FAF1: variants seen among roughly 807,000 people sequenced by gnomAD.
FAF1 encodes the protein Fas associated factor 1.
In FAF1, 25 loss-of-function variants were observed where a neutral mutation model predicts 92.5. That is an observed-to-expected ratio of 0.27 (90% CI 0.20 to 0.38). The LOEUF is 0.38. FAF1 is among the 10% of genes least tolerant of loss of function. The pLI is 1.00. For missense variants in FAF1, 636 were observed against 793.3 expected (o/e 0.80, Z 2.38); for synonymous variants, 234 against 273.2 (o/e 0.86, Z 1.42).
intron 4 of FAF1, among the ~76,000 whole-genome samples, chr1:50,765,952 C>T (rs186746912): frequency 5.9e-5 from 9 of 152,080 alleles, no homozygotes; most frequent in African/African-American, 2.2e-4. Context: ...ATTAGCTGGG[C>T]GTGGTAGCGG....
intron 1 of FAF1, among the ~76,000 whole-genome samples, chr1:50,934,944 A>G (rs1156360863): frequency 1.3e-5 from 2 of 152,152 alleles, no homozygotes; most frequent in Non-Finnish European, 2.9e-5. Flanking sequence ...GATGTTTTAA[A>G]GATTTTTCTC....
chr1:50,600,197 T>C (rs12088232), intron 8 of FAF1, among the ~76,000 whole-genome samples: 1 of 152,202 alleles, frequency 6.6e-6, no homozygotes, highest in Non-Finnish European at 1.5e-5. Context: ...ATCATGAGCT[T>C]GACAGCTTCT....
At chr1:50,814,900 A>T (rs1569991831) in intron 2 of FAF1, among the ~76,000 whole-genome samples, 2 of 152,150 alleles carry the variant, frequency 1.3e-5, no homozygotes, top group South Asian at 2.1e-4. Flanking sequence ...AGATGTGGAG[A>T]AATTAAAACC....
At chr1:50,731,828 G>A (rs556378772) in intron 6 of FAF1, among the ~76,000 whole-genome samples, 96 of 152,166 alleles carry the variant, frequency 6.3e-4, no homozygotes, top group Non-Finnish European at 1.1e-3. Context: ...AAATTGTTTT[G>A]AAGTAAATTA....
At chr1:50,750,382 A>G (rs1014208511) in intron 4 of FAF1, among the ~76,000 whole-genome samples, 9 of 152,182 alleles carry the variant, frequency 5.9e-5, no homozygotes, top group Admixed American at 2.6e-4. Context: ...CATTAACTTA[A>G]TTGGATTATG....
chr1:50,579,186 C>A (rs1012132380), intron 12 of FAF1, among the ~76,000 whole-genome samples: 1 of 151,992 alleles, frequency 6.6e-6, no homozygotes, highest in Non-Finnish European at 1.5e-5. Flanking sequence ...TGAATAAATC[C>A]AAATGCCAAT....
At chr1:50,531,823 C>T (rs1463235684) in intron 15 of FAF1, among the ~76,000 whole-genome samples, 1 of 152,062 alleles carries the variant, frequency 6.6e-6, no homozygotes, top group East Asian at 1.9e-4. Context: ...ATGGTTCAGG[C>T]TTGGGTTTAT....
At chr1:50,921,652 C>T (rs1644964014) in intron 1 of FAF1, among the ~76,000 whole-genome samples, 1 of 151,630 alleles carries the variant, frequency 6.6e-6, no homozygotes, top group Non-Finnish European at 1.5e-5. Context: ...AGGCTGAGTA[C>T]ATGGAGTAGT....
chr1:50,525,885 T>G (rs542948505), intron 15 of FAF1, among the ~76,000 whole-genome samples: 30 of 152,358 alleles, frequency 2.0e-4, no homozygotes, highest in Admixed American at 1.2e-3. Flanking sequence ...GTACACTCTT[T>G]CATCTTAATT....
At chr1:50,567,308 T>C in intron 12 of FAF1, 77 bp from the exon 13 acceptor site, 1 of 1,100,246 alleles carries the variant, frequency 9.1e-7, no homozygotes, top group Non-Finnish European at 1.3e-6. Context: ...GAGGCATAAT[T>C]AGTCTATATG....
chr1:50,691,023 C>T (rs1656897782), intron 7 of FAF1, among the ~76,000 whole-genome samples: 2 of 152,172 alleles, frequency 1.3e-5, no homozygotes, highest in African/African-American at 2.4e-5. Flanking sequence ...GAACCATCTC[C>T]TATAAACATT....
rs140210508 is a variant in FAF1 at position 50,921,296 on chromosome 1, T to C, written c.45+38471A>G. On this transcript the variant is annotated intron_variant, in intron 1 of 18. Coordinates refer to ENST00000396153, the MANE Select transcript of FAF1 (RefSeq NM_007051.3). ...GAGCCTGTGGGCTGGCCTGCCCAAC[T>C]CTGCAACGCACTATCAGTGGCTGCG... Among the ~76,000 whole-genome samples the C allele has an allele frequency of 8.5e-3, 1,293 of 152,300 alleles. 12 individuals are homozygous for C. The highest frequency in any genetic ancestry group is 0.016 in the Admixed American group (248 of 15,298).
chr1:50,723,494 G>A (rs927625416), intron 6 of FAF1, among the ~76,000 whole-genome samples: 2 of 152,136 alleles, frequency 1.3e-5, no homozygotes, highest in South Asian at 2.1e-4. Flanking sequence ...CTACTATGAC[G>A]CTTCTCAGTT....
chr1:50,807,591 G>A (rs1259317685), intron 2 of FAF1, among the ~76,000 whole-genome samples: 1 of 152,220 alleles, frequency 6.6e-6, no homozygotes, highest in South Asian at 2.1e-4. Flanking sequence ...ATTCAACATG[G>A]GATTTGGGTG....
At position 50,828,881 on chromosome 1, in the gene FAF1, T is replaced by C. The variant is rs549138769; in HGVS notation, c.115-27204A>G. Among the ~76,000 whole-genome samples, 29 of 152,218 alleles carry C rather than the reference T, an allele frequency of 1.9e-4. No homozygotes were observed. The East Asian group carries it at 3.7e-3, about 19-fold the overall frequency. On this transcript the variant is annotated intron_variant, in intron 2 of 18. Transcript: ENST00000396153. ...AAGGGCAAAAACACAAGCCACAGAATAGATGATGATCTCTGCAACACACAA... is the reference window on the plus strand; with the variant it reads ...AAGGGCAAAAACACAAGCCACAGAACAGATGATGATCTCTGCAACACACAA...
chr1:50,744,273 T>C (rs1189632501), intron 5 of FAF1, among the ~76,000 whole-genome samples: 1 of 152,202 alleles, frequency 6.6e-6, no homozygotes, highest in Non-Finnish European at 1.5e-5. Flanking sequence ...ATTATCTTTG[T>C]TCCATAATCA....
chr1:50,923,553 A>C (rs893998046), intron 1 of FAF1, among the ~76,000 whole-genome samples: 1 of 152,214 alleles, frequency 6.6e-6, no homozygotes, highest in South Asian at 2.1e-4. Flanking sequence ...AATTAAAAAG[A>C]AGGGAATTCT....
intron 1 of FAF1, among the ~76,000 whole-genome samples, chr1:50,873,535 C>T (rs893481994): frequency 2.0e-5 from 3 of 152,140 alleles, no homozygotes; most frequent in African/African-American, 7.2e-5. Context: ...AAGAAAATGG[C>T]CAGAACCTGC....
Position 50,443,311 on chromosome 1 carries a change from T to C in FAF1, c.1870-1788A>G, listed in dbSNP as rs956632285. Among the ~76,000 whole-genome samples, 20 of 152,196 alleles carry C rather than the reference T, an allele frequency of 1.3e-4. 1 individual carries two copies. The highest frequency in any genetic ancestry group is 4.8e-4 in the African/African-American group (20 of 41,454). ...TGTCATATGCAAGATTAGAGGTTCA[T>C]AAACCACACCCAGTTTTCATATGAG... On this transcript the variant is annotated intron_variant, in intron 18 of 18. Transcript: ENST00000396153.
Sources: allele counts gnomAD v4.1 joint callset (sites outside exome capture counted in the v4.1 genomes callset), GRCh38; gene constraint gnomAD v4.1.1; transcripts MANE v1.5; gene names NCBI Gene and HGNC (gene_info 2026-07-23, HGNC 2026-07-21).